Variants in CABCOCO1 observed in about 807,000 individuals in gnomAD.
CABCOCO1 encodes ciliary associated calcium binding coiled-coil 1.
In CABCOCO1, 28 loss-of-function variants were observed where a neutral mutation model predicts 35.7. The ratio of observed to expected loss-of-function variants is 0.78; its 90% CI spans 0.58 to 1.07. The LOEUF (loss-of-function observed/expected upper bound fraction) is 1.07, where lower values mean the gene tolerates loss of function less well. Ranked by LOEUF, CABCOCO1 falls within the 50% of genes least tolerant of loss-of-function variation. The pLI is 0.00. For missense variants in CABCOCO1, 326 were observed against 309.2 expected (o/e 1.05, Z -0.41); for synonymous variants, 95 against 100.1 (o/e 0.95, Z 0.30).
At chr10:61,753,466 A>ATTTAG (rs1564556649) in intron 5 of CABCOCO1, among the ~76,000 whole-genome samples, 2 of 152,160 alleles carry the variant, frequency 1.3e-5, no homozygotes, top group African/African-American at 4.8e-5. Flanking sequence ...ACAATGCTGA[A>ATTTAG]TTTAGTAGTT....
chr10:61,755,544 G>A (rs1017240372), intron 5 of CABCOCO1, among the ~76,000 whole-genome samples: 8 of 151,900 alleles, frequency 5.3e-5, no homozygotes, highest in Admixed American at 1.3e-4. Context: ...AAAGCAAACC[G>A]GTATTTTGTC....
chr10:61,766,235 C>A lies in CABCOCO1; in HGVS notation c.*222C>A. ...TTTATTGCACCAAGTGTAATGAGAACATTTTGTATACAAGAGTTTGAAAAA... is the reference window on the plus strand; with the variant it reads ...TTTATTGCACCAAGTGTAATGAGAAAATTTTGTATACAAGAGTTTGAAAAA... On this transcript the variant is annotated 3_prime_UTR_variant, in exon 8 of 8. Transcript: ENST00000648843. 1 of 377,212 alleles carries A rather than the reference C, an allele frequency of 2.7e-6. No individual in the cohort carries two copies. 23.4% of individuals were successfully genotyped at this position (377,212 alleles called of 1,614,324 possible).
intron 3 of CABCOCO1, among the ~76,000 whole-genome samples, chr10:61,682,700 C>T (rs1839831778): frequency 6.6e-6 from 1 of 152,096 alleles, no homozygotes; most frequent in African/African-American, 2.4e-5. Flanking sequence ...GTTTAATTCA[C>T]ATGCCAGCTT....
chr10:61,712,904 G>A (rs1168386656), intron 5 of CABCOCO1, among the ~76,000 whole-genome samples: 2 of 152,190 alleles, frequency 1.3e-5, no homozygotes, highest in Non-Finnish European at 2.9e-5. Context: ...TTTGGTTACT[G>A]TAGCCCTTGT....
intron 4 of CABCOCO1, among the ~76,000 whole-genome samples, chr10:61,688,608 T>C (rs1433013887): frequency 6.6e-6 from 1 of 152,212 alleles, no homozygotes; most frequent in East Asian, 1.9e-4. Flanking sequence ...CGTTGTGGAT[T>C]CTACCTATTT....
At chr10:61,699,161 A>G (rs2132010687) in intron 5 of CABCOCO1, among the ~76,000 whole-genome samples, 1 of 152,230 alleles carries the variant, frequency 6.6e-6, no homozygotes. Context: ...AAATAACTCT[A>G]TCTGCTCTAC....
At chr10:61,694,024 G>C (rs1840227815) in intron 5 of CABCOCO1, among the ~76,000 whole-genome samples, 1 of 151,848 alleles carries the variant, frequency 6.6e-6, no homozygotes, top group South Asian at 2.1e-4. Flanking sequence ...ATGAATATTG[G>C]CCACATAGTT....
rs141633982 is a variant in CABCOCO1, at chr10:61,663,987, G to A, written c.60+955G>A. 1.6e-4 allele frequency among the ~76,000 whole-genome samples: 24 copies of A among 152,120 alleles called. No individual in the cohort carries two copies. In the East Asian group the frequency reaches 4.1e-3, roughly 26 times the overall value. On this transcript the variant is annotated intron_variant, in intron 1 of 7. Coordinates refer to ENST00000648843, the MANE Select transcript of CABCOCO1 (RefSeq NM_001366906.2). ...CGTTGGTCTAAACGACATTCTTTGT[G>A]CAGAAGATAAGTGTTAGCTGCAATT...
At chr10:61,748,318 T>C (rs766923868) in intron 5 of CABCOCO1, among the ~76,000 whole-genome samples, 2 of 152,238 alleles carry the variant, frequency 1.3e-5, no homozygotes, top group Non-Finnish European at 2.9e-5. Flanking sequence ...ATTTCTTAGC[T>C]ACCTGCCAGG....
At chr10:61,688,469 CTG>C (rs1450831903) in intron 4 of CABCOCO1, among the ~76,000 whole-genome samples, 1 of 152,156 alleles carries the variant, frequency 6.6e-6, no homozygotes, top group Non-Finnish European at 1.5e-5. Context: ...CCCCACATGA[CTG>C]TAAGTACTGG....
In CABCOCO1 at chr10:61,680,476, TTA is replaced by T. The variant is rs1355530185; in HGVS notation, c.165-658_165-657del. Among the ~76,000 whole-genome samples, 50 of 124,724 alleles carry T rather than the reference TTA, an allele frequency of 4.0e-4. No individual in the cohort carries two copies. In the East Asian group the frequency reaches 0.01, roughly 25 times the overall value. 81.8% of individuals were successfully genotyped at this position (124,724 alleles called of 152,430 possible). A position where few individuals can be genotyped will look rare whatever the true frequency, so the allele number is the denominator to read the frequency against. ...TATATATAACATATATAATATATAT[TTA>T]TATATATAACATATTATATGTTATA... On this transcript the variant is annotated intron_variant, in intron 2 of 7. Transcript: ENST00000648843.
At chr10:61,763,933 G>T (rs1842058181) in intron 7 of CABCOCO1, among the ~76,000 whole-genome samples, 1 of 152,042 alleles carries the variant, frequency 6.6e-6, no homozygotes, top group South Asian at 2.1e-4. Context: ...TCCAAACTCT[G>T]CTGGTTGTGA....
intron 2 of CABCOCO1, among the ~76,000 whole-genome samples, chr10:61,677,519 T>C (rs565113205): frequency 2.8e-4 from 43 of 152,300 alleles, no homozygotes; most frequent in African/African-American, 1.0e-3. Context: ...CCATTTTTTT[T>C]CCCAGTCTGC....
At chr10:61,765,848 T>A in intron 7 of CABCOCO1, 91 bp from the exon 8 acceptor site, 1 of 1,193,300 alleles carries the variant, frequency 8.4e-7, no homozygotes, top group Non-Finnish European at 1.2e-6. Context: ...AATATCTGTC[T>A]TTAGGCACTA....
chr10:61,678,846 A>AGG (rs1183921452), intron 2 of CABCOCO1, among the ~76,000 whole-genome samples: 1 of 152,128 alleles, frequency 6.6e-6, no homozygotes, highest in Admixed American at 6.6e-5. Flanking sequence ...CATTATGGCA[A>AGG]GGGGGTGAAA....
chr10:61,704,091 G>C (rs183907525), intron 5 of CABCOCO1, among the ~76,000 whole-genome samples: 7 of 152,186 alleles, frequency 4.6e-5, no homozygotes, highest in African/African-American at 1.7e-4. Context: ...GGGCGTGGTG[G>C]CAGGCACCTG....
intron 1 of CABCOCO1, among the ~76,000 whole-genome samples, chr10:61,667,596 A>T (rs1316610001): frequency 6.6e-6 from 1 of 151,864 alleles, no homozygotes; most frequent in Non-Finnish European, 1.5e-5. Context: ...TTTATAATTT[A>T]TATAGATACT....
At chr10:61,741,329 TTTTTACAAAA>T (rs1180491586) in intron 5 of CABCOCO1, among the ~76,000 whole-genome samples, 2 of 152,232 alleles carry the variant, frequency 1.3e-5, no homozygotes, top group African/African-American at 4.8e-5. Context: ...GCTTCTTGCA[TTTTTACAAAA>T]AAATAACTAA....
intron 5 of CABCOCO1, among the ~76,000 whole-genome samples, chr10:61,711,023 T>A (rs779712333): frequency 7.3e-5 from 11 of 151,668 alleles, no homozygotes; most frequent in Admixed American, 3.3e-4. Context: ...AATACAAAAG[T>A]ACTCAATACA....
Sources: gnomAD v4.1 joint callset for allele counts (sites outside exome capture counted in the v4.1 genomes callset) on GRCh38, gnomAD v4.1.1 for gene constraint, MANE v1.5 for transcripts, NCBI Gene and HGNC (gene_info 2026-07-23, HGNC 2026-07-21) for gene names.